TRIM5: variants seen among roughly 807,000 people sequenced by gnomAD.
The protein encoded by TRIM5 is tripartite motif-containing protein 5.
TRIM5 carries 31 observed loss-of-function variants against 35.6 expected under a neutral mutation model. That is an observed-to-expected ratio of 0.87 (90% CI 0.65 to 1.18). The LOEUF (loss-of-function observed/expected upper bound fraction) is 1.18, where lower values mean the gene tolerates loss of function less well. Among genes scored for constraint, TRIM5 ranks in the 50% most tolerant of loss-of-function variants. The probability of loss-of-function intolerance (pLI) is 0.00; values close to 1 mark genes in which losing one functional copy is unlikely to be tolerated. For synonymous variants in TRIM5, 243 were observed against 215.6 expected, an observed-to-expected ratio of 1.13 and a Z score of -1.11; for missense variants, 609 against 591.6, an observed-to-expected ratio of 1.03 and a Z score of -0.31.
chr11:5,603,527 G>A, the TRIM5 span: 9 of 1,613,900 alleles, frequency 5.6e-6, no homozygotes, highest in East Asian at 4.5e-5. Context: ...CGGCCTAATC[G>A]GCATCTGGCC....
the TRIM5 span, among the ~76,000 whole-genome samples, chr11:5,651,480 T>A: frequency 6.6e-6 from 1 of 152,216 alleles, no homozygotes; most frequent in East Asian, 1.9e-4. Flanking sequence ...CTTCCACTTA[T>A]AAGTAAGAAC....
At chr11:5,643,443 G>A in the TRIM5 span, 2 of 1,614,176 alleles carry the variant, frequency 1.2e-6, no homozygotes, top group Admixed American at 3.3e-5. Context: ...CTGGGTTATA[G>A]GGTTACAGAA....
downstream of TRIM5, among the ~76,000 whole-genome samples, chr11:5,662,974 C>CA (rs1479478306): frequency 3.3e-5 from 5 of 152,134 alleles, no homozygotes; most frequent in African/African-American, 1.2e-4. Flanking sequence ...ACCAAAAATA[C>CA]AAAAAATAAC....
At chr11:5,599,044 A>T in the TRIM5 span, among the ~76,000 whole-genome samples, 1 of 152,206 alleles carries the variant, frequency 6.6e-6, no homozygotes, top group Non-Finnish European at 1.5e-5. Context: ...AGGATTTCAC[A>T]TAAATAGCAT....
chr11:5,598,386 C>A, the TRIM5 span, among the ~76,000 whole-genome samples: 3 of 152,092 alleles, frequency 2.0e-5, no homozygotes, highest in Admixed American at 6.5e-5. Context: ...AAGAATTTTT[C>A]TCTGTCTAAA....
intron 3 of TRIM5, 89 bp downstream of exon 3, chr11:5,678,984 CA>C: frequency 9.2e-7 from 1 of 1,084,388 alleles, no homozygotes; most frequent in South Asian, 1.3e-5. Context: ...CTGGACTTAT[CA>C]AATGTCAGGG....
At chr11:5,610,446 A>T in the TRIM5 span, 1 of 1,608,982 alleles carries the variant, frequency 6.2e-7, no homozygotes, top group East Asian at 2.2e-5. Flanking sequence ...AGGATTCCTC[A>T]CCATTCCCCT....
chr11:5,675,501 T>C (rs914879290), intron 4 of TRIM5, among the ~76,000 whole-genome samples: 1 of 151,992 alleles, frequency 6.6e-6, no homozygotes, highest in African/African-American at 2.4e-5. Flanking sequence ...GAGTAAGCTG[T>C]TGGGGTTGTT....
chr11:5,635,261 T>C, the TRIM5 span, among the ~76,000 whole-genome samples: 1 of 150,768 alleles, frequency 6.6e-6, no homozygotes, highest in Non-Finnish European at 1.5e-5. Flanking sequence ...TTAATTTTTT[T>C]TTTTTTTTTT....
At chr11:5,670,144 TTGTC>T (rs1851462316) in intron 4 of TRIM5, among the ~76,000 whole-genome samples, 1 of 151,834 alleles carries the variant, frequency 6.6e-6, no homozygotes, top group South Asian at 2.1e-4. Context: ...TGCATGGCAT[TTGTC>T]TGTGTTGGAT....
intron 1 of TRIM5, among the ~76,000 whole-genome samples, chr11:5,682,543 A>G (rs564742644): frequency 1.6e-4 from 24 of 152,248 alleles, no homozygotes; most frequent in Admixed American, 1.2e-3. Flanking sequence ...ATGTATAGAC[A>G]AAGTTGCTTA....
the TRIM5 span, among the ~76,000 whole-genome samples, chr11:5,618,780 G>C: frequency 2.0e-5 from 3 of 152,166 alleles, no homozygotes; most frequent in African/African-American, 7.2e-5. Flanking sequence ...GGGGAGAAAA[G>C]ATTGGACTAT....
rs58905769 is a variant in TRIM5, at chr11:5,678,138, C to T, written c.744+66G>A. ...GTTAATATTAGAAAAAGCACAGCAACGCAGAGAAGGAAATAGCCTTCACTT... is the reference window on the plus strand; with the variant it reads ...GTTAATATTAGAAAAAGCACAGCAATGCAGAGAAGGAAATAGCCTTCACTT... On this transcript the variant is annotated intron_variant, in intron 4 of 7. Coordinates refer to ENST00000380034, the MANE Select transcript of TRIM5 (RefSeq NM_033034.3). 6.2e-4 allele frequency: 860 copies of T among 1,381,552 alleles called. 7 individuals carry two copies. The African/African-American group carries it at 0.011, about 18-fold the overall frequency. The allele number at this position is 1,381,552 out of a possible 1,614,324, so 85.6% of individuals were successfully genotyped here.
the TRIM5 span, chr11:5,610,083 G>A: frequency 2.1e-4 from 327 of 1,568,940 alleles, no homozygotes; most frequent in Middle Eastern, 1.4e-3. Flanking sequence ...AGGTAAGGGA[G>A]ATGGGTGGTG....
chr11:5,613,216 A>G, the TRIM5 span, among the ~76,000 whole-genome samples: 1 of 152,376 alleles, frequency 6.6e-6, no homozygotes, highest in Non-Finnish European at 1.5e-5. Context: ...GAAGATCTCA[A>G]CATATCTAGA....
At chr11:5,634,463 T>C in the TRIM5 span, among the ~76,000 whole-genome samples, 1 of 134,952 alleles carries the variant, frequency 7.4e-6, no homozygotes, top group African/African-American at 2.7e-5. Context: ...ATATAGATAA[T>C]ACAAATATAT....
the TRIM5 span, among the ~76,000 whole-genome samples, chr11:5,613,190 G>C: frequency 6.6e-6 from 1 of 152,226 alleles, no homozygotes; most frequent in East Asian, 1.9e-4. Flanking sequence ...TTTATGGAAG[G>C]TAATGACAGA....
chr11:5,643,944 G>T, the TRIM5 span: 2 of 539,944 alleles, frequency 3.7e-6, no homozygotes, highest in Non-Finnish European at 6.2e-6. Context: ...CAGCAGTATG[G>T]GTATAACATC....
At chr11:5,644,447 G>T in the TRIM5 span, 1 of 391,356 alleles carries the variant, frequency 2.6e-6, no homozygotes, top group East Asian at 3.6e-5. Flanking sequence ...GCCTTCAGAG[G>T]AATAGTAGTT....
Sources: gnomAD v4.1 joint callset for allele counts (sites outside exome capture counted in the v4.1 genomes callset) on GRCh38, gnomAD v4.1.1 for gene constraint, MANE v1.5 for transcripts, NCBI Gene and HGNC (gene_info 2026-07-23, HGNC 2026-07-21) for gene names.